DPH7: variants seen among roughly 807,000 people sequenced by gnomAD.
DPH7 encodes the protein diphthamide biosynthesis 7.
In DPH7, 44 loss-of-function variants were observed where a neutral mutation model predicts 41.7. The observed-to-expected ratio is 1.05, with a 90% CI of 0.83 to 1.36. The LOEUF (loss-of-function observed/expected upper bound fraction) is 1.36. DPH7 is among the 40% of genes most tolerant of loss of function. The probability of loss-of-function intolerance (pLI) is 0.00; values close to 1 mark genes in which losing one functional copy is unlikely to be tolerated. For missense variants in DPH7, 629 were observed against 577.5 expected, an observed-to-expected ratio of 1.09 and a Z score of -0.91; for synonymous variants, 275 against 238.0, an observed-to-expected ratio of 1.16 and a Z score of -1.43.
At chr9:137,575,704 C>T in intron 3 of DPH7, 1 of 1,056,276 alleles carries the variant, frequency 9.5e-7, no homozygotes, top group Non-Finnish European at 1.1e-6. Flanking sequence ...TCACACAGGA[C>T]TCACGTGCTT....
intron 5 of DPH7, among the ~76,000 whole-genome samples, chr9:137,569,877 TC>T (rs1410834413): frequency 2.8e-5 from 4 of 144,580 alleles, no homozygotes; most frequent in Non-Finnish European, 6.0e-5. Context: ...CATCCATCCA[TC>T]CATCCATCCA....
intron 3 of DPH7, chr9:137,575,483 G>C: frequency 1.0e-6 from 1 of 990,256 alleles, no homozygotes; most frequent in Non-Finnish European, 1.2e-6. Context: ...CAGGGCAACT[G>C]CTCTAAGCTG....
intron 1 of DPH7, 67 bp from the exon 2 acceptor site, chr9:137,577,670 G>C: frequency 6.3e-7 from 1 of 1,575,234 alleles, no homozygotes; most frequent in Non-Finnish European, 8.6e-7. Flanking sequence ...GATGGGAAAA[G>C]GGATCCAAGG....
Position 137,564,906 on chromosome 9 carries a change from G to A in DPH7, c.763C>T (p.Leu255=), listed in dbSNP as rs747737656. 2 of 1,596,682 alleles carry A rather than the reference G, an allele frequency of 1.3e-6. No homozygotes were observed. Among genetic ancestry groups the A allele is most frequent in the African/African-American group, 2.7e-5 (2 of 74,574 alleles). Residue 255 remains leucine (L), a synonymous_variant, in exon 7 of 9, where the codon CTG becomes TTG. Coordinates refer to ENST00000277540, the MANE Select transcript of DPH7 (RefSeq NM_138778.5). ...CTGGGGACTCACCTTCCCGTGGCCAGGATGTGCTCCCGATGAGGGCTGCTC... is the reference window on the plus strand; with the variant it reads ...CTGGGGACTCACCTTCCCGTGGCCAAGATGTGCTCCCGATGAGGGCTGCTC... ...IQSSPHREHI[L]ATGSYDEHIL...
rs552023460 is a variant in DPH7, at chr9:137,555,633, G to A, written c.965C>T (p.Ala322Val). 57 of 1,599,530 alleles carry A rather than the reference G, an allele frequency of 3.6e-5. No homozygotes were observed. Among genetic ancestry groups the A allele is most frequent in the Middle Eastern group, 1.7e-4 (1 of 5,986 alleles). The stretch of plus-strand genomic sequence containing the variant: ...CAATGTGTGAGATGTCAGGACCGTC[G>A]CCTCCTGCCTCTCCTCTGGAGTGAG... ...CQKAMEERQE[A>V]TVLTSHTLPD... Residue 322 changes from alanine to valine, a missense_variant, in exon 9 of 9, where the codon GCG becomes GTG. Transcript: ENST00000277540.
intron 1 of DPH7, 68 bp downstream of exon 1, chr9:137,578,557 G>A: frequency 2.9e-6 from 4 of 1,389,404 alleles, no homozygotes; most frequent in Non-Finnish European, 3.7e-6. Flanking sequence ...TGGGCGATTC[G>A]GTGCGCCTTT....
In DPH7 at chr9:137,575,841, A is replaced by G. The variant is rs540682533; in HGVS notation, c.375+239T>C. 2.8e-4 allele frequency: 371 copies of G among 1,343,942 alleles called. 1 individual carries two copies. Among genetic ancestry groups the G allele is most frequent in the Middle Eastern group, 1.1e-3 (4 of 3,612 alleles). 83.3% of individuals were successfully genotyped at this position (1,343,942 alleles called of 1,614,324 possible). ...AACTTTCAGATCCACTGACAGGTCA[A>G]TGAACATCCTGTCACTTCAGCCCTT... On this transcript the variant is annotated intron_variant, in intron 3 of 8. Coordinates refer to ENST00000277540, the MANE Select transcript of DPH7 (RefSeq NM_138778.5).
In DPH7 at chr9:137,564,884, G is replaced by A; in HGVS notation, c.776+9C>T. ...ACGAGAAGGGCCCGAGAGCCTCCTG[G>A]GGACTCACCTTCCCGTGGCCAGGAT... On this transcript the variant is annotated intron_variant, in intron 7 of 8. Transcript: ENST00000277540. The A allele has an allele frequency of 1.9e-6, 3 of 1,588,264 alleles. No homozygotes were observed. Among genetic ancestry groups the A allele is most frequent in the African/African-American group, 1.3e-5 (1 of 74,484 alleles).
rs1414824767 is a variant in DPH7 at position 137,578,723 on chromosome 9, C to T, written c.55G>A (p.Val19Met). Reference sequence around the variant, plus strand: ...CAGCCTTGCAGCGGGCACCACTCCACCGAGTCCGCGGTCAGCTCGGTGTCC... The same window carrying T: ...CAGCCTTGCAGCGGGCACCACTCCATCGAGTCCGCGGTCAGCTCGGTGTCC... The part of the protein sequence containing the change: ...TVDTELTADS[V>M]EWCPLQGCRH... The change falls in exon 1 of 9, where the codon GTG (valine) becomes ATG (methionine). Residue 19 changes from valine (V) to methionine (M), a missense_variant. Coordinates refer to ENST00000277540, the MANE Select transcript of DPH7 (RefSeq NM_138778.5). The T allele has an allele frequency of 2.0e-6, 3 of 1,530,094 alleles. No homozygotes were observed. In the South Asian group the frequency reaches 3.7e-5, roughly 19 times the overall value. The allele number at this position is 1,530,094 out of a possible 1,614,324, so 94.8% of individuals were successfully genotyped here.
chr9:137,574,965 T>A, intron 3 of DPH7, 122 bp from the exon 4 acceptor site: 1 of 1,502,910 alleles, frequency 6.7e-7, no homozygotes, highest in African/African-American at 1.4e-5. Context: ...ATGAAGTACA[T>A]CAGTCACTGA....
At position 137,565,169 on chromosome 9, in the gene DPH7, AG is replaced by A. The variant is rs1792308517; in HGVS notation, c.641-16del. On this transcript the variant is annotated splice_polypyrimidine_tract_variant and intron_variant, in intron 5 of 8. Transcript: ENST00000277540. ...ATCGTCGCCCCCTGTGTGGAGAAAG[AG>A]AAGCATCAACACCACTAATGACAGG... 1 of 1,613,612 alleles carries A rather than the reference AG, an allele frequency of 6.2e-7. No homozygotes were observed. Among genetic ancestry groups the A allele is most frequent in the African/African-American group, 1.3e-5 (1 of 74,940 alleles).
intron 2 of DPH7, 70 bp downstream of exon 2, chr9:137,577,400 T>G: frequency 1.4e-6 from 2 of 1,465,752 alleles, no homozygotes; most frequent in Non-Finnish European, 1.9e-6. Context: ...GTTGAAGGCA[T>G]CAGGCATCAG....
chr9:137,577,670 G>A (rs1166590389), intron 1 of DPH7, 67 bp from the exon 2 acceptor site: 8 of 1,575,116 alleles, frequency 5.1e-6, no homozygotes, highest in Non-Finnish European at 6.9e-6. Context: ...GATGGGAAAA[G>A]GGATCCAAGG....
intron 8 of DPH7, among the ~76,000 whole-genome samples, chr9:137,557,646 C>T (rs1837752330): frequency 6.7e-6 from 1 of 149,720 alleles, no homozygotes; most frequent in African/African-American, 2.5e-5. Flanking sequence ...TGGTGAAACC[C>T]CATCTCTACT....
At chr9:137,563,942 G>A (rs754462306) in intron 8 of DPH7, among the ~76,000 whole-genome samples, 1 of 152,202 alleles carries the variant, frequency 6.6e-6, no homozygotes, top group Non-Finnish European at 1.5e-5. Context: ...TTCCAGCCAC[G>A]TTCTCCGGCT....
At chr9:137,575,180 GCA>G (rs1841166066) in intron 3 of DPH7, 7 of 1,031,880 alleles carry the variant, frequency 6.8e-6, no homozygotes, top group Non-Finnish European at 8.1e-6. Context: ...GACCACAGTG[GCA>G]CACACAGTTT....
At chr9:137,569,653 C>A (rs1840053611) in intron 5 of DPH7, among the ~76,000 whole-genome samples, 1 of 143,346 alleles carries the variant, frequency 7.0e-6, no homozygotes, top group South Asian at 2.4e-4. Flanking sequence ...CACCATCCAT[C>A]CACCATCCAC....
intron 1 of DPH7, 120 bp from the exon 2 acceptor site, chr9:137,577,723 G>A: frequency 7.7e-7 from 1 of 1,302,130 alleles, no homozygotes; most frequent in Non-Finnish European, 1.1e-6. Flanking sequence ...AATTCTGCCT[G>A]GAAGGAGAAC....
chr9:137,578,804 C>G lies in DPH7; in HGVS notation c.-27G>C. 1 of 1,424,920 alleles carries G rather than the reference C, an allele frequency of 7.0e-7. No individual in the cohort carries two copies. The highest frequency in any genetic ancestry group is 9.2e-7 in the Non-Finnish European group (1 of 1,084,912). 88.3% of individuals were successfully genotyped at this position (1,424,920 alleles called of 1,614,324 possible). On this transcript the variant is annotated 5_prime_UTR_variant, in exon 1 of 9. Coordinates refer to ENST00000277540, the MANE Select transcript of DPH7 (RefSeq NM_138778.5). ...CAGCCCTCGGGGAAGGGCGCGGAGC[C>G]GGCAGTAGAGGCGGGTCGGCGGGGC...
Sources: allele counts gnomAD v4.1 joint callset (sites outside exome capture counted in the v4.1 genomes callset), GRCh38; gene constraint gnomAD v4.1.1; transcripts MANE v1.5; gene names NCBI Gene and HGNC (gene_info 2026-07-23, HGNC 2026-07-21).